LRRC45: variants seen among roughly 807,000 people sequenced by gnomAD.
The protein encoded by LRRC45 is leucine-rich repeat-containing protein 45.
A neutral mutation model predicts 85.4 loss-of-function variants in LRRC45; 73 were observed. The ratio of observed to expected loss-of-function variants is 0.85; its 90% CI spans 0.71 to 1.04. The LOEUF is 1.04. Ranked by LOEUF, LRRC45 falls within the 50% of genes least tolerant of loss-of-function variation. LRRC45 has a pLI of 0.00. For synonymous variants in LRRC45, 429 were observed against 386.0 expected, an observed-to-expected ratio of 1.11 and a Z score of -1.31; for missense variants, 937 against 883.3, an observed-to-expected ratio of 1.06 and a Z score of -0.77.
In LRRC45 at chr17:82,029,139, A is replaced by G; in HGVS notation, c.1355A>G (p.Gln452Arg). The change falls in exon 13 of 17, where the codon CAG becomes CGG. Residue 452 changes from glutamine to arginine, a missense_variant. Physicochemically the swap from Gln to Arg is conservative, Grantham distance 43. Coordinates refer to ENST00000306688, the MANE Select transcript of LRRC45 (RefSeq NM_144999.4). ...RHLEESEKAMQERVQRLEAAR... is the reference protein window; with the variant it reads ...RHLEESEKAMRERVQRLEAAR... Reference sequence around the variant, plus strand: ...CTGGAGGAGAGTGAGAAGGCCATGCAGGAGCGGGTGCAGAGGCTGGAGGCG... The same window carrying G: ...CTGGAGGAGAGTGAGAAGGCCATGCGGGAGCGGGTGCAGAGGCTGGAGGCG... 1 of 1,612,644 alleles carries G rather than the reference A, an allele frequency of 6.2e-7. No homozygotes were observed. Among genetic ancestry groups the G allele is most frequent in the Non-Finnish European group, 8.5e-7 (1 of 1,179,918 alleles).
At position 82,023,832 on chromosome 17, in the gene LRRC45, G is replaced by A. The variant is rs1206733034; in HGVS notation, c.189G>A (p.Leu63=). ...LLPRETLCTE[L]VLSDCMLSEE... ...CGAGGGAGACGCTGTGCACGGAGCTGGTCCTGAGTGACTGCATGCTCAGCG... is the reference window on the plus strand; with the variant it reads ...CGAGGGAGACGCTGTGCACGGAGCTAGTCCTGAGTGACTGCATGCTCAGCG... The change falls in exon 1 of 17, where the codon CTG becomes CTA. Residue 63 remains leucine (L), a synonymous_variant. Transcript: ENST00000306688. 3 of 1,566,490 alleles carry A rather than the reference G, an allele frequency of 1.9e-6. No homozygotes were observed. Among genetic ancestry groups the A allele is most frequent in the African/African-American group, 2.7e-5 (2 of 74,186 alleles).
Position 82,030,669 on chromosome 17 carries a change from G to C in LRRC45, c.1877G>C (p.Arg626Pro), listed in dbSNP as rs1283822932. 6.8e-7 allele frequency: 1 copy of C among 1,466,328 alleles called. No homozygotes were observed. Among genetic ancestry groups the C allele is most frequent in the Non-Finnish European group, 9.1e-7 (1 of 1,100,214 alleles). The allele number at this position is 1,466,328 out of a possible 1,614,324, so 90.8% of individuals were successfully genotyped here. ...LDRESENASLREKLRLREAEI... is the reference protein window; with the variant it reads ...LDRESENASLPEKLRLREAEI... Reference sequence around the variant, plus strand: ...AGGGAGAGCGAGAACGCGTCTCTCCGGGAGAAGCTGCGGCTCCGGGAGGCG... The same window carrying C: ...AGGGAGAGCGAGAACGCGTCTCTCCCGGAGAAGCTGCGGCTCCGGGAGGCG... Residue 626 changes from arginine (R) to proline (P), a missense_variant, in exon 17 of 17, where the codon CGG (arginine) becomes CCG (proline). By Grantham distance (103) the Arg-to-Pro change is moderately radical. Coordinates refer to ENST00000306688, the MANE Select transcript of LRRC45 (RefSeq NM_144999.4).
chr17:82,030,609 T>TTTGAAA lies in LRRC45; in HGVS notation c.1817_1818insTTGAAA (p.Val606_Met607insTer). 2.3e-6 allele frequency: 3 copies of TTTGAAA among 1,291,710 alleles called. No individual in the cohort carries two copies. The highest frequency in any genetic ancestry group is 2.9e-6 in the Non-Finnish European group (3 of 1,027,250). 80.0% of individuals were successfully genotyped at this position (1,291,710 alleles called of 1,614,324 possible). On this transcript the variant is annotated stop_gained and inframe_insertion and splice_region_variant, in exon 17 of 17. Coordinates refer to ENST00000306688, the MANE Select transcript of LRRC45 (RefSeq NM_144999.4). LOFTEE classifies it high-confidence loss of function. ...GCTCACTGCGCTCCTTGCCCTGCAG[T>TTTGAAA]GATGGCGAGCGACCACCGAGAGGCG...
At position 82,029,579 on chromosome 17, in the gene LRRC45, C is replaced by T. The variant is rs751863290; in HGVS notation, c.1438C>T (p.Arg480Cys). 63 of 1,579,288 alleles carry T rather than the reference C, an allele frequency of 4.0e-5. No individual in the cohort carries two copies. The highest frequency in any genetic ancestry group is 7.0e-5 in the East Asian group (3 of 42,646). ...SRVKAAALSE[R>C]GQAEEELIKA... The stretch of plus-strand genomic sequence containing the variant: ...AGTGAAAGCAGCGGCACTCAGCGAG[C>T]GTGGCCAGGCTGAGGAGGAGCTGAT... Residue 480 changes from arginine to cysteine, a missense_variant, in exon 14 of 17, where the codon CGT becomes TGT. By Grantham distance (180) the Arg-to-Cys change is radical (BLOSUM62 -3). Coordinates refer to ENST00000306688, the MANE Select transcript of LRRC45 (RefSeq NM_144999.4).
intron 5 of LRRC45, among the ~76,000 whole-genome samples, chr17:82,025,767 TG>T: frequency 6.6e-6 from 1 of 152,306 alleles, no homozygotes; most frequent in African/African-American, 2.4e-5. Flanking sequence ...GTTTCACAGC[TG>T]GGGAAGCTGA....
intron 1 of LRRC45, 173 bp downstream of exon 1, chr17:82,024,036 G>A (rs1350205779): frequency 2.8e-6 from 2 of 717,360 alleles, no homozygotes; most frequent in Non-Finnish European, 4.5e-6. Flanking sequence ...TGTATGACGG[G>A]GGAGAGGCCT....
Position 82,030,920 on chromosome 17 carries a change from CGG to C in LRRC45, c.*116_*117del. On this transcript the variant is annotated 3_prime_UTR_variant, in exon 17 of 17. Transcript: ENST00000306688. ...TGAGACCCGGGTCGTCTGTTCCACG[CGG>C]CGGTTGCGGCGACTGTTGGTGGTGT... 1 of 774,782 alleles carries C rather than the reference CGG, an allele frequency of 1.3e-6. No individual in the cohort carries two copies. Among genetic ancestry groups the C allele is most frequent in the Non-Finnish European group, 1.8e-6 (1 of 561,426 alleles). The allele number at this position is 774,782 out of a possible 1,614,324, so 48.0% of individuals were successfully genotyped here. A position where few individuals can be genotyped will look rare whatever the true frequency, so the allele number is the denominator to read the frequency against.
intron 12 of LRRC45, 62 bp from the exon 13 acceptor site, chr17:82,029,031 G>A (rs780943942): frequency 1.3e-4 from 187 of 1,481,036 alleles, no homozygotes; most frequent in South Asian, 1.2e-3. Flanking sequence ...TGGGGAGTCC[G>A]TGAGGAGAAG....
At position 82,025,073 on chromosome 17, in the gene LRRC45, A is replaced by C; in HGVS notation, c.427A>C (p.Asn143His). ...CACCTTCTGCGGGGGCCTGGCGGCCAACGGCGCCCTGCAGCGGCTGGACCT... is the reference window on the plus strand; with the variant it reads ...CACCTTCTGCGGGGGCCTGGCGGCCCACGGCGCCCTGCAGCGGCTGGACCT... Reference protein sequence around the residue: ...FATFCGGLAANGALQRLDLRN... With the variant: ...FATFCGGLAAHGALQRLDLRN... The change falls in exon 4 of 17, where the codon AAC (asparagine) becomes CAC (histidine). Residue 143 changes from asparagine to histidine, a missense_variant. Transcript: ENST00000306688. 2 of 1,610,044 alleles carry C rather than the reference A, an allele frequency of 1.2e-6. No homozygotes were observed. The highest frequency in any genetic ancestry group is 1.7e-6 in the Non-Finnish European group (2 of 1,178,708).
intron 3 of LRRC45, 96 bp from the exon 4 acceptor site, chr17:82,024,904 G>A (rs2043354135): frequency 6.9e-7 from 1 of 1,443,370 alleles, no homozygotes; most frequent in Admixed American, 2.8e-5. Flanking sequence ...AGAGGCTCCG[G>A]CCCATCAGAC....
rs1598455430 is a variant in LRRC45, at chr17:82,027,761, G to C, written c.911+10G>C. On this transcript the variant is annotated intron_variant, in intron 8 of 16. Coordinates refer to ENST00000306688, the MANE Select transcript of LRRC45 (RefSeq NM_144999.4). ...ACGCTCTCAAGGCCAAGTAAGTGGG[G>C]GGTGGCCTCAGGATACTTCAGAGAC... 1 of 1,609,332 alleles carries C rather than the reference G, an allele frequency of 6.2e-7. No individual in the cohort carries two copies. The highest frequency in any genetic ancestry group is 1.3e-5 in the African/African-American group (1 of 74,894).
Position 82,023,786 on chromosome 17 carries a change from G to A in LRRC45, c.143G>A (p.Arg48Lys), listed in dbSNP as rs1469066640. The A allele has an allele frequency of 3.2e-6, 5 of 1,566,600 alleles. No individual in the cohort carries two copies. Among genetic ancestry groups the A allele is most frequent in the South Asian group, 1.2e-5 (1 of 85,182 alleles). The change falls in exon 1 of 17, where the codon AGG becomes AAG. Residue 48 changes from arginine (R) to lysine (K), a missense_variant. Coordinates refer to ENST00000306688, the MANE Select transcript of LRRC45 (RefSeq NM_144999.4). ...ATQSLTVETC[R>K]ALGKLLPRET... ...CAAAGCCTGACGGTGGAGACCTGCAGGGCCCTGGGCAAGCTGCTGCCGAGG... is the reference window on the plus strand; with the variant it reads ...CAAAGCCTGACGGTGGAGACCTGCAAGGCCCTGGGCAAGCTGCTGCCGAGG...
intron 11 of LRRC45, 30 bp downstream of exon 11, chr17:82,028,538 G>T (rs1290622504): frequency 1.2e-6 from 2 of 1,611,796 alleles, no homozygotes; most frequent in African/African-American, 1.3e-5. Flanking sequence ...CTGTGGAGGG[G>T]CCTGGGGATG....
intron 14 of LRRC45, 132 bp from the exon 15 acceptor site, chr17:82,029,933 G>A: frequency 3.4e-6 from 4 of 1,178,098 alleles, no homozygotes; most frequent in East Asian, 5.2e-5. Flanking sequence ...GGCTGCCAGG[G>A]GAGCGGGTTC....
chr17:82,029,300 A>G, intron 13 of LRRC45, 115 bp downstream of exon 13: 1 of 1,105,696 alleles, frequency 9.0e-7, no homozygotes, highest in Non-Finnish European at 1.3e-6. Flanking sequence ...CCAGAGGCTC[A>G]TAGGCCCCAC....
At chr17:82,024,369 G>A (rs544515477) in intron 2 of LRRC45, 30 bp downstream of exon 2, 13 of 1,611,282 alleles carry the variant, frequency 8.1e-6, no homozygotes, top group East Asian at 4.5e-5. Context: ...GAGTGTCCGA[G>A]TGTGCCACCC....
chr17:82,026,811 C>A, intron 5 of LRRC45, 88 bp from the exon 6 acceptor site: 1 of 1,016,978 alleles, frequency 9.8e-7, no homozygotes, highest in Non-Finnish European at 1.5e-6. Context: ...AACCCCTGAC[C>A]TCAGGTGATC....
chr17:82,030,670 G>T lies in LRRC45; in HGVS notation c.1878G>T (p.Arg626=), dbSNP rs2144151717. Residue 626 remains arginine, a synonymous_variant, in exon 17 of 17, where the codon CGG becomes CGT. Transcript: ENST00000306688. Reference sequence around the variant, plus strand: ...GGGAGAGCGAGAACGCGTCTCTCCGGGAGAAGCTGCGGCTCCGGGAGGCGG... The same window carrying T: ...GGGAGAGCGAGAACGCGTCTCTCCGTGAGAAGCTGCGGCTCCGGGAGGCGG... The part of the protein sequence containing the change: ...LDRESENASL[R]EKLRLREAEI... 6.8e-7 allele frequency: 1 copy of T among 1,469,006 alleles called. No individual in the cohort carries two copies. The highest frequency in any genetic ancestry group is 9.1e-7 in the Non-Finnish European group (1 of 1,101,572). The allele number at this position is 1,469,006 out of a possible 1,614,324, so 91.0% of individuals were successfully genotyped here.
rs780676989 is a variant in LRRC45 at position 82,028,513 on chromosome 17, G to A, written c.1237+5G>A. The A allele has an allele frequency of 1.9e-6, 3 of 1,612,214 alleles. No individual in the cohort carries two copies. Among genetic ancestry groups the A allele is most frequent in the South Asian group, 1.1e-5 (1 of 90,998 alleles). On this transcript the variant is annotated splice_donor_5th_base_variant and intron_variant, in intron 11 of 16. Coordinates refer to ENST00000306688, the MANE Select transcript of LRRC45 (RefSeq NM_144999.4). ...TGCGGGCCATCCAGGCCGAGGGTGG[G>A]CACGGGCAGGCCTGCTGTGGAGGGG... is the stretch of plus-strand genomic sequence containing the variant.
Sources: gnomAD v4.1 joint callset for allele counts (sites outside exome capture counted in the v4.1 genomes callset) on GRCh38, gnomAD v4.1.1 for gene constraint, MANE v1.5 for transcripts, NCBI Gene and HGNC (gene_info 2026-07-23, HGNC 2026-07-21) for gene names.